Variants in FYB1 observed in about 807,000 individuals in gnomAD.
FYB1 encodes FYN-binding protein 1.
In FYB1, 41 loss-of-function variants were observed where a neutral mutation model predicts 94.1. The observed-to-expected ratio is 0.44, with a 90% CI of 0.34 to 0.57. The LOEUF is 0.57. Ranked by LOEUF, FYB1 falls within the 20% of genes least tolerant of loss-of-function variation. FYB1 has a pLI of 0.02. For synonymous variants in FYB1, 367 were observed against 353.2 expected, an observed-to-expected ratio of 1.04 and a Z score of -0.44; for missense variants, 1,050 against 976.8, an observed-to-expected ratio of 1.07 and a Z score of -1.00.
intron 1 of FYB1, among the ~76,000 whole-genome samples, chr5:39,229,905 T>C (rs1750646333): frequency 6.6e-6 from 1 of 152,180 alleles, no homozygotes; most frequent in South Asian, 2.1e-4. Context: ...GCCAGGCCCG[T>C]GTGGTTCAAT....
rs111289961 is a variant in FYB1 at position 39,255,744 on chromosome 5, A to G, written c.-28+18659T>C. ...TATCTGAACTGCATCACCAACTCCA[A>G]TGTTTTCAGGAACAAAGTAGGTAAC... On this transcript the variant is annotated intron_variant, in intron 1 of 1. Coordinates refer to the FYB1 transcript ENST00000510188. 2.7e-3 allele frequency among the ~76,000 whole-genome samples: 417 copies of G among 152,300 alleles called. 1 individual carries two copies. Among genetic ancestry groups the G allele is most frequent in the Non-Finnish European group, 4.2e-3 (283 of 68,012 alleles).
intron 3 of FYB1, among the ~76,000 whole-genome samples, chr5:39,146,667 G>A (rs1435038364): frequency 2.0e-5 from 3 of 152,008 alleles, no homozygotes; most frequent in African/African-American, 7.3e-5. Context: ...TAAAAGGAAG[G>A]GTATTTGCAT....
intron 2 of FYB1, among the ~76,000 whole-genome samples, chr5:39,168,276 A>G (rs879673491): frequency 2.0e-5 from 3 of 152,182 alleles, no homozygotes; most frequent in East Asian, 3.9e-4. Flanking sequence ...CAGTTTTCCC[A>G]CTACATTTCT....
At chr5:39,240,442 T>G (rs1751154406) in intron 1 of FYB1, among the ~76,000 whole-genome samples, 1 of 152,078 alleles carries the variant, frequency 6.6e-6, no homozygotes, top group Non-Finnish European at 1.5e-5. Flanking sequence ...AGGTCTAACA[T>G]CAAGAATCTA....
chr5:39,145,134 A>G (rs1243147487), intron 3 of FYB1, among the ~76,000 whole-genome samples: 1 of 152,210 alleles, frequency 6.6e-6, no homozygotes, highest in Non-Finnish European at 1.5e-5. Context: ...TCGTTATACT[A>G]TTCTTCCTGC....
intron 9 of FYB1, among the ~76,000 whole-genome samples, chr5:39,133,628 C>T (rs1421650489): frequency 6.6e-6 from 1 of 151,990 alleles, no homozygotes. Flanking sequence ...CTATTCTGTT[C>T]CTCTATACCA....
rs1416359886 is a variant in FYB1, at chr5:39,134,968, TCACAA to T, written c.1557_1561del (p.Cys519Ter). 6.2e-7 allele frequency: 1 copy of T among 1,613,926 alleles called. No individual in the cohort carries two copies. Among genetic ancestry groups the T allele is most frequent in the South Asian group, 1.1e-5 (1 of 91,078 alleles). On this transcript the variant is annotated stop_gained and frameshift_variant, in exon 8 of 19. Coordinates refer to ENST00000512982, the MANE Select transcript of FYB1 (RefSeq NM_001465.6). LOFTEE classifies it high-confidence loss of function. ...CAGTTCATTCTTTCCTCCTTTGACA[TCACAA>T]CAAGCTTTTGCAAGATGGATGACTT...
intron 1 of FYB1, among the ~76,000 whole-genome samples, chr5:39,265,309 A>T (rs941534068): frequency 6.6e-6 from 1 of 151,946 alleles, no homozygotes; most frequent in African/African-American, 2.4e-5. Flanking sequence ...GTGAAACCCC[A>T]TCTCTACTAA....
intron 2 of FYB1, among the ~76,000 whole-genome samples, chr5:39,194,215 G>T (rs1474953216): frequency 6.6e-6 from 1 of 152,070 alleles, no homozygotes; most frequent in Non-Finnish European, 1.5e-5. Flanking sequence ...AGACCATGTA[G>T]ACTGCTTATA....
intron 1 of FYB1, among the ~76,000 whole-genome samples, chr5:39,239,010 A>T (rs899879879): frequency 6.6e-6 from 1 of 152,142 alleles, no homozygotes; most frequent in African/African-American, 2.4e-5. Context: ...GATTCAACAT[A>T]TGCAAATCAG....
At chr5:39,223,317 A>G (rs899426456), upstream of FYB1, among the ~76,000 whole-genome samples, 30 of 152,134 alleles carry the variant, frequency 2.0e-4, no homozygotes, top group African/African-American at 2.2e-4. Flanking sequence ...TATGAGGAGC[A>G]TATTTTCCTT....
intron 8 of FYB1, 126 bp downstream of exon 8, chr5:39,134,729 C>T: frequency 2.2e-6 from 2 of 919,662 alleles, no homozygotes; most frequent in East Asian, 2.6e-5. Flanking sequence ...TTAACATTTT[C>T]CTCCCTTTGT....
At chr5:39,169,970 C>A in intron 2 of FYB1, 1 of 677,240 alleles carries the variant, frequency 1.5e-6, no homozygotes, top group South Asian at 1.5e-5. Context: ...AGCTCATCAT[C>A]AGGTTCTGAC....
intron 1 of FYB1, among the ~76,000 whole-genome samples, chr5:39,210,347 C>T (rs1344534075): frequency 6.6e-6 from 1 of 152,222 alleles, no homozygotes; most frequent in South Asian, 2.1e-4. Context: ...TATCGCTGTG[C>T]ATTATCTCCT....
chr5:39,133,218 T>G (rs912449106), intron 9 of FYB1, among the ~76,000 whole-genome samples: 2 of 152,148 alleles, frequency 1.3e-5, no homozygotes, highest in Non-Finnish European at 2.9e-5. Context: ...TCCTTTGAAA[T>G]TTGAGTTATG....
At chr5:39,175,104 G>T (rs772782818) in intron 2 of FYB1, among the ~76,000 whole-genome samples, 4 of 152,140 alleles carry the variant, frequency 2.6e-5, no homozygotes, top group Non-Finnish European at 5.9e-5. Context: ...AGGAGGAGGG[G>T]AATTGCTGAT....
At chr5:39,176,013 C>G (rs1305298406) in intron 2 of FYB1, among the ~76,000 whole-genome samples, 2 of 151,950 alleles carry the variant, frequency 1.3e-5, no homozygotes, top group East Asian at 3.9e-4. Context: ...GGGGCCGGTA[C>G]AGAGCACAGA....
intron 1 of FYB1, among the ~76,000 whole-genome samples, chr5:39,243,126 C>T (rs1751296797): frequency 6.6e-6 from 1 of 152,034 alleles, no homozygotes; most frequent in Non-Finnish European, 1.5e-5. Flanking sequence ...TTTTGCTGTG[C>T]AGAAGCTCTT....
At chr5:39,127,657 G>A (rs995734290) in intron 11 of FYB1, 84 bp downstream of exon 11, 39 of 1,407,668 alleles carry the variant, frequency 2.8e-5, no homozygotes, top group African/African-American at 7.5e-5. Context: ...ACTATTTTCC[G>A]CTTTTTATTT....
Sources: gnomAD v4.1 joint callset for allele counts (sites outside exome capture counted in the v4.1 genomes callset) on GRCh38, gnomAD v4.1.1 for gene constraint, MANE v1.5 for transcripts, NCBI Gene and HGNC (gene_info 2026-07-23, HGNC 2026-07-21) for gene names.